The following SNAP91 variants were observed in gnomAD, a reference collection of about 807,000 sequenced individuals.
SNAP91 encodes the protein synaptosome associated protein 91.
A neutral mutation model predicts 100.3 loss-of-function variants in SNAP91; 27 were observed. The ratio of observed to expected loss-of-function variants is 0.27; its 90% CI spans 0.20 to 0.37. The LOEUF (loss-of-function observed/expected upper bound fraction) is 0.37. Ranked by LOEUF, SNAP91 falls within the 10% of genes least tolerant of loss-of-function variation. The pLI, the probability that SNAP91 is intolerant of heterozygous loss-of-function variation, is 1.00. For missense variants in SNAP91, 986 were observed against 1,123.7 expected (o/e 0.88, Z 1.75); for synonymous variants, 404 against 398.6 (o/e 1.01, Z -0.16).
intron 5 of SNAP91, among the ~76,000 whole-genome samples, chr6:83,659,770 T>C (rs1041397511): frequency 1.3e-5 from 2 of 152,178 alleles, no homozygotes; most frequent in Non-Finnish European, 2.9e-5. Context: ...TTTTTTTCTT[T>C]TTTTTTGAGA....
chr6:83,591,792 C>T (rs967420984), intron 21 of SNAP91, among the ~76,000 whole-genome samples: 1 of 152,262 alleles, frequency 6.6e-6, no homozygotes, highest in Admixed American at 6.5e-5. Flanking sequence ...CTCATGTACG[C>T]ATCATGGAAT....
intron 7 of SNAP91, among the ~76,000 whole-genome samples, chr6:83,651,184 C>T (rs2098189140): frequency 6.6e-6 from 1 of 151,668 alleles, no homozygotes; most frequent in African/African-American, 2.4e-5. Flanking sequence ...TTTTATTGAT[C>T]TTTTCAAAGA....
At chr6:83,560,408 A>G (rs1315557450) in intron 27 of SNAP91, among the ~76,000 whole-genome samples, 200 bp from the exon 28 acceptor site, 2 of 152,192 alleles carry the variant, frequency 1.3e-5, no homozygotes, top group Non-Finnish European at 2.9e-5. Context: ...TGGGTAGCAT[A>G]AGCCTGGTTG....
chr6:83,568,158 T>C (rs1230337689), intron 26 of SNAP91, among the ~76,000 whole-genome samples: 1 of 152,132 alleles, frequency 6.6e-6, no homozygotes, highest in Non-Finnish European at 1.5e-5. Context: ...TGGACTACTA[T>C]GCAGCCATAA....
At chr6:83,685,035 T>C (rs2099042166) in intron 2 of SNAP91, among the ~76,000 whole-genome samples, 1 of 152,232 alleles carries the variant, frequency 6.6e-6, no homozygotes, top group African/African-American at 2.4e-5. Context: ...CATACTCCTT[T>C]ATGGATCTAA....
At chr6:83,686,048 C>G in intron 2 of SNAP91, 1 of 458,324 alleles carries the variant, frequency 2.2e-6, no homozygotes, top group Non-Finnish European at 2.9e-6. Flanking sequence ...ATTAAGGTAC[C>G]CCAAGCGTCT....
intron 14 of SNAP91, among the ~76,000 whole-genome samples, chr6:83,601,925 A>G (rs557636192): frequency 2.6e-5 from 4 of 152,322 alleles, no homozygotes; most frequent in African/African-American, 7.2e-5. Context: ...ATCACATAAT[A>G]TTGATTAGCT....
At chr6:83,648,254 G>C (rs1323214679) in intron 7 of SNAP91, among the ~76,000 whole-genome samples, 1 of 151,982 alleles carries the variant, frequency 6.6e-6, no homozygotes, top group Non-Finnish European at 1.5e-5. Flanking sequence ...TAATGATTTT[G>C]AAATTCATTT....
At chr6:83,609,615 T>G (rs2095860873) in intron 12 of SNAP91, among the ~76,000 whole-genome samples, 1 of 152,218 alleles carries the variant, frequency 6.6e-6, no homozygotes, top group Non-Finnish European at 1.5e-5. Context: ...CATTTTTGTC[T>G]GAAGAATACA....
intron 11 of SNAP91, among the ~76,000 whole-genome samples, chr6:83,613,345 T>G (rs2096272094): frequency 6.6e-6 from 1 of 152,232 alleles, no homozygotes; most frequent in African/African-American, 2.4e-5. Context: ...ATTTGAATTT[T>G]TATATTAGAA....
At position 83,662,431 on chromosome 6, in the gene SNAP91, C is replaced by A. The variant is rs1375761404; in HGVS notation, c.274-9G>T. The A allele has an allele frequency of 1.1e-5, 12 of 1,139,732 alleles. No individual in the cohort carries two copies. In the South Asian group the frequency reaches 2.2e-4, roughly 21 times the overall value. 70.6% of individuals were successfully genotyped at this position (1,139,732 alleles called of 1,614,324 possible). ...AAATATTGAATAAATCTCTGAAAAACAAAAATTAGAATTAAACACACATTT... is the reference window on the plus strand; with the variant it reads ...AAATATTGAATAAATCTCTGAAAAAAAAAAATTAGAATTAAACACACATTT... On this transcript the variant is annotated splice_polypyrimidine_tract_variant and intron_variant, in intron 3 of 29. Coordinates refer to ENST00000369694, the MANE Select transcript of SNAP91 (RefSeq NM_001242792.2).
At chr6:83,561,016 C>T in intron 26 of SNAP91, 69 bp from the exon 27 acceptor site, 3 of 1,012,774 alleles carry the variant, frequency 3.0e-6, no homozygotes, top group South Asian at 3.4e-5. Context: ...CGACAATAAA[C>T]AAACAAAAAG....
chr6:83,638,729 T>C (rs2097558062), intron 8 of SNAP91, among the ~76,000 whole-genome samples: 1 of 152,178 alleles, frequency 6.6e-6, no homozygotes, highest in Admixed American at 6.5e-5. Context: ...TAGGAATTCT[T>C]CCTCAACATT....
intron 14 of SNAP91, among the ~76,000 whole-genome samples, chr6:83,605,293 C>G (rs2095540760): frequency 6.6e-6 from 1 of 151,994 alleles, no homozygotes; most frequent in African/African-American, 2.4e-5. Context: ...CTGACCAAAC[C>G]AAATTGGAAA....
chr6:83,672,429 G>T (rs937489052), intron 2 of SNAP91, among the ~76,000 whole-genome samples: 6 of 151,828 alleles, frequency 4.0e-5, no homozygotes, highest in South Asian at 2.1e-4. Context: ...CTAGAAATAA[G>T]AATAATATTA....
chr6:83,629,851 T>C (rs899978870), intron 8 of SNAP91, among the ~76,000 whole-genome samples: 1 of 152,034 alleles, frequency 6.6e-6, no homozygotes, highest in Admixed American at 6.6e-5. Context: ...TTTCGTACTC[T>C]TGTTTGATTG....
Position 83,554,111 on chromosome 6 carries a change from G to A in SNAP91, c.*185C>T, listed in dbSNP as rs987468155. ...TACAATTTCAAGAGTAGGGATAACAGCTAAGGTAGTACATATTCCTAATGT... is the reference window on the plus strand; with the variant it reads ...TACAATTTCAAGAGTAGGGATAACAACTAAGGTAGTACATATTCCTAATGT... On this transcript the variant is annotated 3_prime_UTR_variant, in exon 30 of 30. Coordinates refer to ENST00000369694, the MANE Select transcript of SNAP91 (RefSeq NM_001242792.2). The A allele has an allele frequency of 1.2e-5, 2 of 164,470 alleles. No homozygotes were observed. The highest frequency in any genetic ancestry group is 2.7e-5 in the Non-Finnish European group (2 of 73,912). The allele number at this position is 164,470 out of a possible 1,614,324, so 10.2% of individuals were successfully genotyped here.
intron 2 of SNAP91, 35 bp downstream of exon 2, chr6:83,707,763 G>A (rs778636379): frequency 1.1e-5 from 18 of 1,609,716 alleles, no homozygotes; most frequent in Non-Finnish European, 1.5e-5. Flanking sequence ...CGCCTCTGCC[G>A]TGCGCATGTC....
In SNAP91 at chr6:83,629,878, C is replaced by T. The variant is rs543197505; in HGVS notation, c.766-6536G>A. 6.6e-5 allele frequency among the ~76,000 whole-genome samples: 10 copies of T among 152,116 alleles called. No individual in the cohort carries two copies. The East Asian group carries it at 1.5e-3, about 24-fold the overall frequency. ...GTTTGATTGCTCTGGCTAGGACTTC[C>T]GGTACTATGTTGAAGAGGAGTGGTG... On this transcript the variant is annotated intron_variant, in intron 8 of 29. Transcript: ENST00000369694.
Sources: gnomAD v4.1 joint callset for allele counts (sites outside exome capture counted in the v4.1 genomes callset) on GRCh38, gnomAD v4.1.1 for gene constraint, MANE v1.5 for transcripts, NCBI Gene and HGNC (gene_info 2026-07-23, HGNC 2026-07-21) for gene names.